PPEF1: variants seen among roughly 807,000 people sequenced by gnomAD.
PPEF1 encodes protein phosphatase with EF-hand domain 1, also known as serine/threonine-protein phosphatase with EF-hands 1.
In PPEF1, 12 loss-of-function variants were observed where a neutral mutation model predicts 53.3. The observed-to-expected ratio is 0.23, with a 90% CI of 0.14 to 0.36. PPEF1 has a LOEUF of 0.36. Among genes scored for constraint, PPEF1 ranks in the 10% least tolerant of loss-of-function variants. The pLI, the probability that PPEF1 is intolerant of heterozygous loss-of-function variation, is 1.00. For synonymous variants in PPEF1, 165 were observed against 176.7 expected (o/e 0.93, Z 0.52); for missense variants, 334 against 490.4 (o/e 0.68, Z 3.01).
Position 18,811,922 on chromosome X carries a change from G to A in PPEF1, c.1394+5377G>A, listed in dbSNP as rs1297869035. Among the ~76,000 whole-genome samples the A allele has an allele frequency of 9.9e-5, 11 of 110,865 alleles. No individual in the cohort carries two copies. The East Asian group carries it at 2.8e-3, about 28-fold the overall frequency. On this transcript the variant is annotated intron_variant, in intron 12 of 15. Transcript: ENST00000470157. The stretch of plus-strand genomic sequence containing the variant: ...ACGACTGGCCACTTGTTCAGTATTT[G>A]ATTTGCAAACATTCTCTCTCATTCT...
intron 4 of PPEF1, among the ~76,000 whole-genome samples, chrX:18,694,202 G>A (rs745976242): frequency 4.3e-4 from 48 of 111,818 alleles, no homozygotes; most frequent in African/African-American, 1.3e-3. Flanking sequence ...GGACACTCAC[G>A]GAAGGACATT....
intron 10 of PPEF1, among the ~76,000 whole-genome samples, chrX:18,797,356 G>A (rs2147658645): frequency 8.9e-6 from 1 of 111,880 alleles, no homozygotes; most frequent in East Asian, 2.8e-4. Context: ...TTTCCCTTAT[G>A]TTCACTGAGA....
intron 2 of PPEF1, among the ~76,000 whole-genome samples, chrX:18,684,861 A>T (rs1180997857): frequency 9.0e-6 from 1 of 111,606 alleles, no homozygotes; most frequent in Non-Finnish European, 1.9e-5. Context: ...TCCTGACATC[A>T]GGTGATCTGC....
intron 10 of PPEF1, among the ~76,000 whole-genome samples, chrX:18,798,663 G>A (rs1366861960): frequency 3.6e-5 from 4 of 110,567 alleles, no homozygotes; most frequent in African/African-American, 6.6e-5. Flanking sequence ...TTGCTCTGTC[G>A]CCCAGGCTGG....
Position 18,784,067 on chromosome X carries a change from A to C in PPEF1, c.912+19A>C. On this transcript the variant is annotated intron_variant, in intron 9 of 15. Transcript: ENST00000470157. ...GAACAAGGTAAGAAGTAATGTTGGC[A>C]TGAATCTTCTCTCAGGGATTTAGAA... 1 of 1,165,867 alleles carries C rather than the reference A, an allele frequency of 8.6e-7. No individual in the cohort carries two copies. The highest frequency in any genetic ancestry group is 1.1e-6 in the Non-Finnish European group (1 of 871,146).
intron 13 of PPEF1, among the ~76,000 whole-genome samples, chrX:18,819,978 A>G (rs62590610): frequency 2.2e-3 from 241 of 111,936 alleles, no homozygotes; most frequent in Middle Eastern, 4.6e-3. Flanking sequence ...GGAAACACAT[A>G]TTGCTACAAA....
intron 11 of PPEF1, among the ~76,000 whole-genome samples, chrX:18,805,679 CT>C (rs2046644285): frequency 9.2e-6 from 1 of 109,142 alleles, no homozygotes; most frequent in African/African-American, 3.3e-5. Flanking sequence ...CCTGTCTCTA[CT>C]AAAAATACAA....
At chrX:18,793,186 C>A (rs1336808162) in intron 10 of PPEF1, among the ~76,000 whole-genome samples, 1 of 109,034 alleles carries the variant, frequency 9.2e-6, no homozygotes, top group Non-Finnish European at 1.9e-5. Flanking sequence ...TGCTTTAGCT[C>A]CATCCCTTAA....
chrX:18,754,706 TC>T (rs1244011285), intron 4 of PPEF1, among the ~76,000 whole-genome samples: 8 of 111,385 alleles, frequency 7.2e-5, no homozygotes, highest in Non-Finnish European at 1.5e-4. Flanking sequence ...CAAGCAATCC[TC>T]CCCCCTCAGC....
intron 3 of PPEF1, 22 bp from the exon 4 acceptor site, chrX:18,749,770 C>T (rs2045405042): frequency 1.9e-5 from 11 of 583,308 alleles, no homozygotes; most frequent in South Asian, 3.7e-5. Context: ...CCCACCCCCC[C>T]GTTCTGTCCT....
chrX:18,818,244 T>G (rs1220403467), intron 13 of PPEF1, 99 bp downstream of exon 13: 2 of 479,333 alleles, frequency 4.2e-6, no homozygotes, highest in Non-Finnish European at 6.7e-6. Context: ...AGTTCTCCAT[T>G]TTTACTAAGA....
chrX:18,712,003 T>C (rs895374634), intron 1 of PPEF1, among the ~76,000 whole-genome samples: 7 of 111,855 alleles, frequency 6.3e-5, no homozygotes, highest in Admixed American at 4.7e-4. Context: ...CCGCCCGCCT[T>C]GGCCTCCCAA....
chrX:18,676,065 A>G (rs1928665023), exon 1 of PPEF1: 1 of 105,892 alleles, frequency 9.4e-6, no homozygotes, highest in Admixed American at 1.1e-4. Context: ...AGTGATACTG[A>G]TTTTGTGGCA....
At chrX:18,798,791 T>A (rs2147664623) in intron 10 of PPEF1, among the ~76,000 whole-genome samples, 1 of 111,088 alleles carries the variant, frequency 9.0e-6, no homozygotes, top group Admixed American at 9.5e-5. Context: ...GTCCGGCTAA[T>A]TTTTGTAGTT....
intron 1 of PPEF1, among the ~76,000 whole-genome samples, chrX:18,684,361 G>T (rs1040045184): frequency 1.8e-5 from 2 of 111,235 alleles, no homozygotes; most frequent in African/African-American, 6.5e-5. Context: ...TCTTAAAGAA[G>T]AAACTTGACA....
chrX:18,706,072 A>G (rs1455277020), upstream of PPEF1, among the ~76,000 whole-genome samples: 1 of 108,683 alleles, frequency 9.2e-6, no homozygotes, highest in Non-Finnish European at 1.9e-5. Context: ...GTTTGAGACC[A>G]GCCTCGGCAA....
intron 1 of PPEF1, among the ~76,000 whole-genome samples, chrX:18,720,461 G>A (rs752403606): frequency 4.5e-5 from 5 of 110,337 alleles, no homozygotes; most frequent in Non-Finnish European, 7.6e-5. Flanking sequence ...GCATGGTGGC[G>A]TGTGCCTGTA....
chrX:18,703,871 T>A (rs1477697753), upstream of PPEF1, among the ~76,000 whole-genome samples: 1 of 109,772 alleles, frequency 9.1e-6, no homozygotes, highest in Admixed American at 9.8e-5. Flanking sequence ...GCCTACTAAA[T>A]GCTCAATTCT....
chrX:18,727,129 G>A (rs764260213), intron 1 of PPEF1, among the ~76,000 whole-genome samples: 27 of 112,279 alleles, frequency 2.4e-4, no homozygotes, highest in South Asian at 7.4e-4. Flanking sequence ...ACCAGGGTTC[G>A]AATCCTCACT....
Sources: allele counts gnomAD v4.1 joint callset (sites outside exome capture counted in the v4.1 genomes callset), GRCh38; gene constraint gnomAD v4.1.1; transcripts MANE v1.5; gene names NCBI Gene and HGNC (gene_info 2026-07-23, HGNC 2026-07-21).